The following SAMTOR variants were observed in gnomAD, a reference collection of about 807,000 sequenced individuals.
SAMTOR encodes S-adenosylmethionine sensor upstream of mTORC1, also known as UPF0532 protein C7orf60.
the SAMTOR span, chr7:112,832,739 T>C: frequency 8.2e-6 from 9 of 1,093,656 alleles, no homozygotes; most frequent in Admixed American, 4.0e-5. Flanking sequence ...ACATAGATTA[T>C]CAGTTCTTTA....
the SAMTOR span, among the ~76,000 whole-genome samples, chr7:112,918,177 A>T: frequency 6.6e-6 from 1 of 152,228 alleles, no homozygotes. Context: ...GAAGGAAAAA[A>T]TGTTAAAGGC....
chr7:112,933,965 G>C, the SAMTOR span, among the ~76,000 whole-genome samples: 1 of 152,130 alleles, frequency 6.6e-6, no homozygotes, highest in African/African-American at 2.4e-5. Flanking sequence ...GTTTGATTTT[G>C]AAAGACTGGG....
chr7:112,855,374 A>T, the SAMTOR span, among the ~76,000 whole-genome samples: 1 of 152,252 alleles, frequency 6.6e-6, no homozygotes, highest in Non-Finnish European at 1.5e-5. Flanking sequence ...TCCATAGGTC[A>T]AAAGTGCAGG....
the SAMTOR span, among the ~76,000 whole-genome samples, chr7:112,832,034 C>T: frequency 1.8e-4 from 26 of 141,832 alleles, no homozygotes; most frequent in South Asian, 2.4e-4. Context: ...TTTTTTTAGA[C>T]GGAGTCTCAC....
the SAMTOR span, among the ~76,000 whole-genome samples, chr7:112,926,337 C>G: frequency 0.023 from 3,533 of 152,212 alleles, 140 homozygotes; most frequent in African/African-American, 0.08. Context: ...ATTCTACTAG[C>G]TATAAGATGC....
the SAMTOR span, among the ~76,000 whole-genome samples, chr7:112,826,330 A>G: frequency 6.6e-6 from 1 of 152,200 alleles, no homozygotes; most frequent in Non-Finnish European, 1.5e-5. Context: ...TAAACTGCCA[A>G]TTCATAATTT....
At chr7:112,829,000 T>C in the SAMTOR span, among the ~76,000 whole-genome samples, 1,357 of 152,278 alleles carry the variant, frequency 8.9e-3, 22 homozygotes, top group African/African-American at 0.031. Flanking sequence ...TCTTGATGTT[T>C]CTTTTGTTTG....
At chr7:112,903,090 G>C in the SAMTOR span, among the ~76,000 whole-genome samples, 369 of 152,294 alleles carry the variant, frequency 2.4e-3, 2 homozygotes, top group African/African-American at 8.7e-3. Flanking sequence ...GAGGCAGGCA[G>C]ATCACCTGAG....
At chr7:112,855,308 G>A in the SAMTOR span, among the ~76,000 whole-genome samples, 1 of 152,118 alleles carries the variant, frequency 6.6e-6, no homozygotes, top group East Asian at 1.9e-4. Flanking sequence ...TAGGTATTAG[G>A]TTTTTATTGC....
the SAMTOR span, among the ~76,000 whole-genome samples, chr7:112,887,736 G>C: frequency 1.3e-5 from 2 of 152,100 alleles, no homozygotes; most frequent in African/African-American, 4.8e-5. Flanking sequence ...TCGTAGAATT[G>C]TTCATAATAT....
chr7:112,933,213 T>G, the SAMTOR span, among the ~76,000 whole-genome samples: 1 of 152,182 alleles, frequency 6.6e-6, no homozygotes, highest in African/African-American at 2.4e-5. Context: ...AAGTACTGTA[T>G]GATAAAACAG....
At chr7:112,874,610 A>G in the SAMTOR span, among the ~76,000 whole-genome samples, 1 of 152,138 alleles carries the variant, frequency 6.6e-6, no homozygotes, top group Non-Finnish European at 1.5e-5. Flanking sequence ...ATATCCTTGT[A>G]ACAAGTACCC....
At chr7:112,889,738 T>G in the SAMTOR span, among the ~76,000 whole-genome samples, 1 of 152,276 alleles carries the variant, frequency 6.6e-6, no homozygotes, top group Non-Finnish European at 1.5e-5. Flanking sequence ...TGTTTATTCA[T>G]AAAAACCAGG....
At chr7:112,920,753 C>T in the SAMTOR span, among the ~76,000 whole-genome samples, 1 of 150,410 alleles carries the variant, frequency 6.6e-6, no homozygotes, top group South Asian at 2.1e-4. Context: ...TCCGCAAAGT[C>T]TCAGGATACA....
At chr7:112,913,846 C>T in the SAMTOR span, among the ~76,000 whole-genome samples, 885 of 152,266 alleles carry the variant, frequency 5.8e-3, 13 homozygotes, top group African/African-American at 0.019. Context: ...ACCCTCTTCC[C>T]CTACCTTACT....
the SAMTOR span, among the ~76,000 whole-genome samples, chr7:112,829,723 A>G: frequency 0.41 from 61,822 of 152,046 alleles, 15,610 homozygotes; most frequent in African/African-American, 0.71. Flanking sequence ...GATTTGTTAC[A>G]TGGGACTAGA....
the SAMTOR span, among the ~76,000 whole-genome samples, chr7:112,896,083 G>A: frequency 1.7e-3 from 255 of 152,288 alleles, 1 homozygote; most frequent in Middle Eastern, 3.4e-3. Flanking sequence ...AGAAGGAATA[G>A]TAGTTGCAGT....
chr7:112,868,779 G>A, the SAMTOR span, among the ~76,000 whole-genome samples: 1 of 152,224 alleles, frequency 6.6e-6, no homozygotes, highest in Admixed American at 6.5e-5. Context: ...AGTGTGGAGA[G>A]TGCCCCAGCA....
chr7:112,902,414 C>T, the SAMTOR span, among the ~76,000 whole-genome samples: 2 of 25,144 alleles, frequency 8.0e-5, no homozygotes, highest in Non-Finnish European at 7.3e-5. Flanking sequence ...AAAACTCCGT[C>T]TCAAAAAAAA....
Sources: gnomAD v4.1 joint callset for allele counts (sites outside exome capture counted in the v4.1 genomes callset) on GRCh38, gnomAD v4.1.1 for gene constraint, MANE v1.5 for transcripts, NCBI Gene and HGNC (gene_info 2026-07-23, HGNC 2026-07-21) for gene names.